DACT2: variants seen among roughly 807,000 people sequenced by gnomAD.
DACT2 encodes dapper homolog 2.
DACT2 carries 20 observed loss-of-function variants against 22.2 expected under a neutral mutation model. The observed-to-expected ratio is 0.90, with a 90% CI of 0.63 to 1.31. The LOEUF (loss-of-function observed/expected upper bound fraction) is 1.31. Among genes scored for constraint, DACT2 ranks in the 50% most tolerant of loss-of-function variants. The probability of loss-of-function intolerance (pLI) is 0.00; values close to 1 mark genes in which losing one functional copy is unlikely to be tolerated. For missense variants in DACT2, 1,048 were observed against 1,061.4 expected (o/e 0.99, Z 0.18); for synonymous variants, 463 against 479.8 (o/e 0.96, Z 0.46).
rs1465567897 is a variant in DACT2, at chr6:168,317,918, G to A, written c.246+1470C>T. 6.8e-4 allele frequency among the ~76,000 whole-genome samples: 48 copies of A among 70,676 alleles called. 6 individuals carry two copies. The highest frequency in any genetic ancestry group is 2.0e-3 in the African/African-American group (46 of 23,448). The allele number at this position is 70,676 out of a possible 152,430, so 46.4% of individuals were successfully genotyped here. On this transcript the variant is annotated intron_variant, in intron 1 of 3. Coordinates refer to ENST00000366795, the MANE Select transcript of DACT2 (RefSeq NM_214462.5). ...CTGTCGTGTGCTGAGCTGAGGTCAC[G>A]CAGAAGCTGCGATTGTGTCTGGTGC...
chr6:168,313,805 G>A (rs369503092), intron 1 of DACT2, among the ~76,000 whole-genome samples: 3 of 152,132 alleles, frequency 2.0e-5, no homozygotes, highest in African/African-American at 7.2e-5. Context: ...CCCCGTTCCC[G>A]CCCCCGTGTC....
chr6:168,297,038 T>A (rs1470763678), intron 3 of DACT2, among the ~76,000 whole-genome samples: 1 of 152,216 alleles, frequency 6.6e-6, no homozygotes, highest in East Asian at 1.9e-4. Context: ...ATATGAAAAT[T>A]GTTCAACCTC....
intron 3 of DACT2, chr6:168,298,159 G>GA (rs1779040369): frequency 6.6e-6 from 1 of 152,192 alleles, no homozygotes; most frequent in Non-Finnish European, 1.5e-5. Flanking sequence ...ATAAGTATAG[G>GA]AAAAAATAGG....
intron 3 of DACT2, among the ~76,000 whole-genome samples, chr6:168,301,203 G>A (rs1779098296): frequency 6.6e-6 from 1 of 152,132 alleles, no homozygotes; most frequent in African/African-American, 2.4e-5. Flanking sequence ...CCGCCTGTGT[G>A]GGCCTCTCTC....
downstream of DACT2, among the ~76,000 whole-genome samples, chr6:168,303,476 G>C (rs1261646263): frequency 6.6e-6 from 1 of 152,120 alleles, no homozygotes; most frequent in East Asian, 1.9e-4. Context: ...GGCTTCCTCG[G>C]CTTCTGTCTC....
At chr6:168,318,336 C>G (rs575724884) in intron 1 of DACT2, among the ~76,000 whole-genome samples, 1 of 152,244 alleles carries the variant, frequency 6.6e-6, no homozygotes, top group African/African-American at 2.4e-5. Flanking sequence ...CAGGAGATAA[C>G]GGGGAACCTG....
Position 168,319,741 on chromosome 6 carries a change from C to T in DACT2, c.-108G>A, listed in dbSNP as rs986532157. 2.5e-6 allele frequency: 3 copies of T among 1,179,614 alleles called. No individual in the cohort carries two copies. Among genetic ancestry groups the T allele is most frequent in the Admixed American group, 4.6e-5 (1 of 21,906 alleles). 73.1% of individuals were successfully genotyped at this position (1,179,614 alleles called of 1,614,324 possible). A position where few individuals can be genotyped will look rare whatever the true frequency, so the allele number is the denominator to read the frequency against. ...GTCCTCCTGCGCCTCCTCTCTCCGC[C>T]CCCGGCTCCGCAGGTCGCCAAGGTG... is the stretch of plus-strand genomic sequence containing the variant. On this transcript the variant is annotated 5_prime_UTR_variant, in exon 1 of 4. Coordinates refer to ENST00000366795, the MANE Select transcript of DACT2 (RefSeq NM_214462.5).
In DACT2 at chr6:168,319,609, C is replaced by T; in HGVS notation, c.25G>A (p.Gly9Arg). 1 of 1,317,332 alleles carries T rather than the reference C, an allele frequency of 7.6e-7. No homozygotes were observed. Among genetic ancestry groups the T allele is most frequent in the Non-Finnish European group, 9.7e-7 (1 of 1,031,448 alleles). 81.6% of individuals were successfully genotyped at this position (1,317,332 alleles called of 1,614,324 possible). Residue 9 changes from glycine to arginine, a missense_variant, in exon 1 of 4, where the codon GGG (glycine) becomes AGG (arginine). Gly to Arg is a moderately radical substitution (Grantham distance 125, BLOSUM62 -2). Transcript: ENST00000366795. The part of the protein sequence containing the change: MWTPGGPP[G>R]SAGWDRRRLG... ...CTACGGCGGTCCCAGCCCGCGGACCCCGGGGGTCCGCCCGGCGTCCACATC... is the reference window on the plus strand; with the variant it reads ...CTACGGCGGTCCCAGCCCGCGGACCTCGGGGGTCCGCCCGGCGTCCACATC...
At chr6:168,294,456 C>T (rs1778965214) in intron 4 of DACT2, among the ~76,000 whole-genome samples, 1 of 146,762 alleles carries the variant, frequency 6.8e-6, no homozygotes, top group African/African-American at 2.6e-5. Context: ...TCCCCTGATG[C>T]TATCCCTCCC....
chr6:168,316,058 G>A (rs987999129), intron 1 of DACT2, among the ~76,000 whole-genome samples: 4 of 152,142 alleles, frequency 2.6e-5, no homozygotes, highest in East Asian at 1.9e-4. Context: ...CAAAGTCTGC[G>A]TGTTCCTTCT....
At chr6:168,299,331 T>C (rs1348273263) in intron 3 of DACT2, 2 of 152,230 alleles carry the variant, frequency 1.3e-5, no homozygotes, top group African/African-American at 4.8e-5. Flanking sequence ...TAAGCACCTG[T>C]GCTTCTGTGA....
chr6:168,308,246 A>T lies in DACT2; in HGVS notation c.1511T>A (p.Met504Lys). Residue 504 changes from methionine (M) to lysine (K), a missense_variant, in exon 4 of 4, where the codon ATG becomes AAG. Coordinates refer to ENST00000366795, the MANE Select transcript of DACT2 (RefSeq NM_214462.5). ...CCTTGCAAACCTCAGCACCTTGTCC[A>T]TGGGACTTCTCTTGATTTTTTCAGC... Reference protein sequence around the residue: ...SKAEKIKRSPMDKVLRFARQP... With the variant: ...SKAEKIKRSPKDKVLRFARQP... The T allele has an allele frequency of 8.4e-6, 13 of 1,552,084 alleles. No homozygotes were observed. Among genetic ancestry groups the T allele is most frequent in the Non-Finnish European group, 1.1e-5 (13 of 1,147,066 alleles).
chr6:168,307,457 GC>G lies in DACT2; in HGVS notation c.2299del (p.Ala767ProfsTer2). 1 of 1,551,704 alleles carries G rather than the reference GC, an allele frequency of 6.4e-7. No individual in the cohort carries two copies. Among genetic ancestry groups the G allele is most frequent in the Non-Finnish European group, 8.7e-7 (1 of 1,146,996 alleles). On this transcript the variant is annotated frameshift_variant, in exon 4 of 4. Coordinates refer to ENST00000366795, the MANE Select transcript of DACT2 (RefSeq NM_214462.5). LOFTEE classifies it high-confidence loss of function. The surrounding 1 kb of genome is among the most constrained non-coding windows in gnomAD (Gnocchi z 5.3). ...TCACACCATGGTCATGACCTTCAGG[GC>G]CGTCGGCTGGAACCTGCGGATCTTC... ...KKKIRRFQPT[A>X]LKVMTMV
intron 3 of DACT2, chr6:168,294,715 C>T (rs1412048528): frequency 9.7e-6 from 14 of 1,440,094 alleles, no homozygotes; most frequent in Admixed American, 5.0e-5. Flanking sequence ...CTGGTAAGAA[C>T]AAAATGCAAA....
chr6:168,293,044 T>C lies in DACT2; in HGVS notation c.*850A>G, dbSNP rs369142848. On this transcript the variant is annotated 3_prime_UTR_variant, in exon 6 of 6. Coordinates refer to the DACT2 transcript ENST00000366796. ...TCCTAAAAAGACACATTGTAAATAATTGAATGTCTGGACTTTGTAAAAAAA... is the reference window on the plus strand; with the variant it reads ...TCCTAAAAAGACACATTGTAAATAACTGAATGTCTGGACTTTGTAAAAAAA... 35 of 152,284 alleles carry C rather than the reference T, an allele frequency of 2.3e-4. No individual in the cohort carries two copies. In the East Asian group the frequency reaches 6.4e-3, roughly 28 times the overall value. The allele number at this position is 152,284 out of a possible 1,614,324, so 9.4% of individuals were successfully genotyped here. A position where few individuals can be genotyped will look rare whatever the true frequency, so the allele number is the denominator to read the frequency against.
At chr6:168,305,895 G>A (rs1387887268), downstream of DACT2, among the ~76,000 whole-genome samples, 2 of 152,114 alleles carry the variant, frequency 1.3e-5, no homozygotes, top group East Asian at 3.9e-4. Context: ...TTTCAGGAAG[G>A]GCAGGTGAAA....
chr6:168,298,810 T>C (rs554133439), intron 3 of DACT2: 1 of 152,356 alleles, frequency 6.6e-6, no homozygotes, highest in South Asian at 2.1e-4. Flanking sequence ...CTCCACGTGC[T>C]GGCTGGGTGG....
At chr6:168,301,660 G>A (rs900877177) in intron 3 of DACT2, among the ~76,000 whole-genome samples, 3 of 152,228 alleles carry the variant, frequency 2.0e-5, no homozygotes, top group African/African-American at 2.4e-5. Flanking sequence ...TAGAGCTGTG[G>A]TGTCCCCAGA....
chr6:168,319,592 G>A lies in DACT2; in HGVS notation c.42C>T (p.Asp14=). The change falls in exon 1 of 4, where the codon GAC becomes GAT. Residue 14 remains aspartate, a synonymous_variant. Transcript: ENST00000366795. The part of the protein sequence containing the change: ...PGGPPGSAGW[D]RRRLGARLRA... ...GCAACCTCGCGCCCAACCTACGGCG[G>A]TCCCAGCCCGCGGACCCCGGGGGTC... 7.4e-7 allele frequency: 1 copy of A among 1,352,410 alleles called. No individual in the cohort carries two copies. Among genetic ancestry groups the A allele is most frequent in the Non-Finnish European group, 9.6e-7 (1 of 1,046,270 alleles). The allele number at this position is 1,352,410 out of a possible 1,614,324, so 83.8% of individuals were successfully genotyped here.
Sources: allele counts gnomAD v4.1 joint callset (sites outside exome capture counted in the v4.1 genomes callset), GRCh38; gene constraint gnomAD v4.1.1; non-coding constraint Gnocchi (gnomAD v3.1); transcripts MANE v1.5; gene names NCBI Gene and HGNC (gene_info 2026-07-23, HGNC 2026-07-21).